The following CHRM3 variants were observed in gnomAD, a reference collection of about 807,000 sequenced individuals.
CHRM3 encodes the protein muscarinic acetylcholine receptor M3.
Under a neutral mutation model 41.8 loss-of-function variants are expected in CHRM3, and 11 were observed. The observed-to-expected ratio is 0.26, with a 90% CI of 0.17 to 0.44. The LOEUF (loss-of-function observed/expected upper bound fraction) is 0.44, where lower values mean the gene tolerates loss of function less well. CHRM3 is among the 20% of genes least tolerant of loss of function. The probability of loss-of-function intolerance (pLI) is 1.00; values close to 1 mark genes in which losing one functional copy is unlikely to be tolerated. For missense variants in CHRM3, 571 were observed against 745.4 expected, an observed-to-expected ratio of 0.77 and a Z score of 2.72; for synonymous variants, 297 against 301.4, an observed-to-expected ratio of 0.99 and a Z score of 0.15.
intron 3 of CHRM3, among the ~76,000 whole-genome samples, chr1:239,588,523 T>C (rs540446649): frequency 1.3e-5 from 2 of 152,334 alleles, no homozygotes; most frequent in South Asian, 4.1e-4. Flanking sequence ...TCAGATGTTC[T>C]ATTGCAATCA....
intron 4 of CHRM3, among the ~76,000 whole-genome samples, chr1:239,662,933 C>CTTCTT (rs1558431582): frequency 5.8e-5 from 1 of 17,120 alleles, no homozygotes; most frequent in African/African-American, 4.1e-4. Context: ...TTCTTCTTCT[C>CTTCTT]CTCTTCTTCT....
Position 239,908,540 on chromosome 1 carries a change from C to A in CHRM3, c.1089C>A (p.Ala363=). Residue 363 remains alanine, a synonymous_variant, in exon 7 of 7, where the codon GCC becomes GCA. Coordinates refer to ENST00000676153, the MANE Select transcript of CHRM3 (RefSeq NM_001375978.1). The surrounding 1 kb of genome is among the most constrained non-coding windows in gnomAD (Gnocchi z 7.2). The part of the protein sequence containing the change: ...DEEDIGSETR[A]IYSIVLKLPG... ...AGGACATTGGCTCCGAGACGAGAGC[C>A]ATCTACTCCATCGTGCTCAAGCTTC... The A allele has an allele frequency of 6.3e-7, 1 of 1,586,906 alleles. No homozygotes were observed. Among genetic ancestry groups the A allele is most frequent in the Non-Finnish European group, 8.6e-7 (1 of 1,166,718 alleles).
At chr1:239,747,367 A>G (rs1665457642) in intron 5 of CHRM3, among the ~76,000 whole-genome samples, 1 of 152,186 alleles carries the variant, frequency 6.6e-6, no homozygotes, top group Non-Finnish European at 1.5e-5. Context: ...TCAAGTTTGT[A>G]GTAAGTCCAA....
intron 2 of CHRM3, among the ~76,000 whole-genome samples, chr1:239,519,801 G>C (rs578218873): frequency 1.6e-5 from 2 of 127,286 alleles, no homozygotes; most frequent in Non-Finnish European, 3.1e-5. Flanking sequence ...AGGCTAGAGT[G>C]CAGTGGCACG....
intron 5 of CHRM3, among the ~76,000 whole-genome samples, chr1:239,823,938 G>A (rs550845657): frequency 1.8e-4 from 28 of 152,228 alleles, no homozygotes; most frequent in South Asian, 1.0e-3. Flanking sequence ...TAGATCAGAC[G>A]CTGACCTTTC....
At chr1:239,596,529 A>C (rs938353280) in intron 3 of CHRM3, among the ~76,000 whole-genome samples, 1 of 152,216 alleles carries the variant, frequency 6.6e-6, no homozygotes, top group Non-Finnish European at 1.5e-5. Flanking sequence ...TTTTAAAAAT[A>C]GCAAGATAAC....
chr1:239,538,053 G>A (rs1658381807), intron 2 of CHRM3, among the ~76,000 whole-genome samples: 2 of 152,114 alleles, frequency 1.3e-5, no homozygotes, highest in South Asian at 4.1e-4. Context: ...CAGCTGAAAA[G>A]GTTGAAGGGG....
chr1:239,617,060 G>C (rs1667708200), intron 3 of CHRM3, among the ~76,000 whole-genome samples: 1 of 152,048 alleles, frequency 6.6e-6, no homozygotes, highest in Non-Finnish European at 1.5e-5. Flanking sequence ...ATCCTGAACT[G>C]TTTGTGCAGG....
chr1:239,611,568 G>A (rs1463549025), intron 3 of CHRM3, among the ~76,000 whole-genome samples: 1 of 151,938 alleles, frequency 6.6e-6, no homozygotes, highest in African/African-American at 2.4e-5. Context: ...TTACAGGCAT[G>A]CGTCACCATG....
chr1:239,496,643 T>G (rs1667907568), intron 2 of CHRM3, among the ~76,000 whole-genome samples: 1 of 152,056 alleles, frequency 6.6e-6, no homozygotes, highest in African/African-American at 2.4e-5. Flanking sequence ...TTTCTTGTAC[T>G]GATATCTTGT....
intron 1 of CHRM3, among the ~76,000 whole-genome samples, chr1:239,438,196 C>T (rs2103229701): frequency 6.6e-6 from 1 of 152,258 alleles, no homozygotes; most frequent in East Asian, 1.9e-4. Flanking sequence ...ACATTTATTT[C>T]CACTATAGAA....
intron 5 of CHRM3, chr1:239,727,690 A>C (rs1208353663): frequency 6.6e-6 from 1 of 151,914 alleles, no homozygotes; most frequent in East Asian, 2.0e-4. Flanking sequence ...AGGCTTCATT[A>C]AGGCCAGTGG....
chr1:239,598,760 A>C (rs1665118427), intron 3 of CHRM3, among the ~76,000 whole-genome samples: 1 of 152,018 alleles, frequency 6.6e-6, no homozygotes, highest in Non-Finnish European at 1.5e-5. Context: ...CCCTTTTCTT[A>C]TTCTTTTTCA....
At chr1:239,709,754 G>C (rs891599826) in intron 5 of CHRM3, among the ~76,000 whole-genome samples, 2 of 152,120 alleles carry the variant, frequency 1.3e-5, no homozygotes, top group African/African-American at 4.8e-5. Context: ...AAGTTGGGAC[G>C]TTCCACTTAA....
At chr1:239,667,916 C>T (rs940916913) in intron 4 of CHRM3, among the ~76,000 whole-genome samples, 2 of 152,084 alleles carry the variant, frequency 1.3e-5, no homozygotes, top group Non-Finnish European at 2.9e-5. Flanking sequence ...CCATTTTTCT[C>T]CTACAACTTA....
chr1:239,700,101 CAG>C (rs754262490), intron 5 of CHRM3, among the ~76,000 whole-genome samples: 11 of 152,012 alleles, frequency 7.2e-5, no homozygotes, highest in Admixed American at 1.3e-4. Flanking sequence ...ATCTGATAAA[CAG>C]ATCCTCATAA....
At chr1:239,679,504 T>C (rs1177409738) in intron 5 of CHRM3, among the ~76,000 whole-genome samples, 3 of 152,114 alleles carry the variant, frequency 2.0e-5, no homozygotes, top group African/African-American at 7.2e-5. Flanking sequence ...AGTAGATAAA[T>C]TCACCTCTAA....
At position 239,725,689 on chromosome 1, in the gene CHRM3, A is replaced by G. The variant is rs145844223; in HGVS notation, c.-147+47401A>G. On this transcript the variant is annotated intron_variant, in intron 5 of 6. Coordinates refer to ENST00000676153, the MANE Select transcript of CHRM3 (RefSeq NM_001375978.1). ...ATTTTGGATTGTTTAACCAACAGTA[A>G]TGAAAGCTTTGCTGTCTAGCTAAAC... is the stretch of plus-strand genomic sequence containing the variant. 4.0e-3 allele frequency among the ~76,000 whole-genome samples: 606 copies of G among 152,040 alleles called. 1 individual carries two copies. The highest frequency in any genetic ancestry group is 7.0e-3 in the Non-Finnish European group (472 of 67,902).
At chr1:239,650,763 A>C (rs779839205) in intron 4 of CHRM3, among the ~76,000 whole-genome samples, 3 of 152,226 alleles carry the variant, frequency 2.0e-5, no homozygotes, top group Non-Finnish European at 4.4e-5. Context: ...AACTAAACGT[A>C]ATGAGATTTT....
Sources: gnomAD v4.1 joint callset for allele counts (sites outside exome capture counted in the v4.1 genomes callset) on GRCh38, gnomAD v4.1.1 for gene constraint, Gnocchi (gnomAD v3.1) non-coding constraint, MANE v1.5 for transcripts, NCBI Gene and HGNC (gene_info 2026-07-23, HGNC 2026-07-21) for gene names.